Variants in FHIT observed in about 807,000 individuals in gnomAD.
FHIT encodes the protein bis(5'-adenosyl)-triphosphatase.
In FHIT, 19 loss-of-function variants were observed where a neutral mutation model predicts 17.9. That is an observed-to-expected ratio of 1.06 (90% CI 0.74 to 1.56). The LOEUF (loss-of-function observed/expected upper bound fraction) is 1.56. Among genes scored for constraint, FHIT ranks in the 40% most tolerant of loss-of-function variants. FHIT has a pLI of 0.00. For synonymous variants in FHIT, 81 were observed against 69.7 expected, an observed-to-expected ratio of 1.16 and a Z score of -0.81; for missense variants, 248 against 189.2, an observed-to-expected ratio of 1.31 and a Z score of -1.82.
chr3:60,496,981 A>C (rs906314361), intron 5 of FHIT, among the ~76,000 whole-genome samples: 1 of 152,052 alleles, frequency 6.6e-6, no homozygotes, highest in Non-Finnish European at 1.5e-5. Flanking sequence ...ACAAAAAAAA[A>C]CATGCAAACC....
At chr3:59,774,561 G>A (rs2106848777) in intron 8 of FHIT, among the ~76,000 whole-genome samples, 1 of 152,308 alleles carries the variant, frequency 6.6e-6, no homozygotes, top group Non-Finnish European at 1.5e-5. Flanking sequence ...CTTAAATAGT[G>A]CCTCATCCAT....
intron 5 of FHIT, among the ~76,000 whole-genome samples, chr3:60,382,472 G>A (rs1431557659): frequency 6.6e-6 from 1 of 152,190 alleles, no homozygotes; most frequent in Non-Finnish European, 1.5e-5. Flanking sequence ...TCTAATCTGA[G>A]ACAATTCATC....
intron 5 of FHIT, among the ~76,000 whole-genome samples, chr3:60,041,294 A>G (rs1701429516): frequency 6.6e-6 from 1 of 152,128 alleles, no homozygotes; most frequent in South Asian, 2.1e-4. Flanking sequence ...CTTGATAATG[A>G]CCTTTGAGGA....
At chr3:60,387,574 C>A (rs1701061220) in intron 5 of FHIT, among the ~76,000 whole-genome samples, 1 of 152,030 alleles carries the variant, frequency 6.6e-6, no homozygotes, top group Non-Finnish European at 1.5e-5. Flanking sequence ...CCTGAATTCC[C>A]AATTCTCTCC....
intron 8 of FHIT, among the ~76,000 whole-genome samples, chr3:59,880,039 ACTT>A (rs1224721505): frequency 1.3e-5 from 2 of 152,056 alleles, no homozygotes; most frequent in African/African-American, 4.8e-5. Context: ...AAGATAGAAA[ACTT>A]CTGCAAGAAG....
chr3:59,765,990 C>T (rs1403226171), intron 8 of FHIT, among the ~76,000 whole-genome samples: 2 of 152,262 alleles, frequency 1.3e-5, no homozygotes, highest in East Asian at 3.9e-4. Flanking sequence ...AAAATATACA[C>T]ACTTTAGGAA....
intron 5 of FHIT, among the ~76,000 whole-genome samples, chr3:60,351,809 C>A (rs182263075): frequency 6.6e-6 from 1 of 152,316 alleles, no homozygotes; most frequent in Non-Finnish European, 1.5e-5. Flanking sequence ...TATTTCCTAA[C>A]ACAACAAAAT....
At chr3:60,024,579 G>C (rs1700667989) in intron 5 of FHIT, among the ~76,000 whole-genome samples, 1 of 152,192 alleles carries the variant, frequency 6.6e-6, no homozygotes, top group Non-Finnish European at 1.5e-5. Context: ...AGCACAACCA[G>C]GTACAGTCAT....
At chr3:61,042,380 G>A (rs754633364) in intron 2 of FHIT, among the ~76,000 whole-genome samples, 4 of 152,138 alleles carry the variant, frequency 2.6e-5, no homozygotes, top group Non-Finnish European at 5.9e-5. Context: ...AACTTAAAGT[G>A]TTCAAAGATG....
At chr3:60,572,430 T>C (rs1294561133) in intron 4 of FHIT, among the ~76,000 whole-genome samples, 1 of 152,116 alleles carries the variant, frequency 6.6e-6, no homozygotes, top group African/African-American at 2.4e-5. Context: ...TCCTAGCCCC[T>C]AGGCATGTTT....
At chr3:60,066,141 T>C (rs1206726839) in intron 5 of FHIT, among the ~76,000 whole-genome samples, 1 of 152,112 alleles carries the variant, frequency 6.6e-6, no homozygotes. Flanking sequence ...GATGGGATGG[T>C]GGGGATAGTA....
intron 5 of FHIT, among the ~76,000 whole-genome samples, chr3:60,140,438 G>A (rs933081515): frequency 6.6e-6 from 1 of 152,104 alleles, no homozygotes; most frequent in Non-Finnish European, 1.5e-5. Context: ...GGGGGAAAAA[G>A]TTGCTCTCTT....
intron 8 of FHIT, among the ~76,000 whole-genome samples, chr3:59,781,189 C>T (rs139451021): frequency 1.2e-4 from 19 of 152,284 alleles, no homozygotes; most frequent in African/African-American, 4.6e-4. Context: ...CCTGTAACAT[C>T]ACCCCTGTCA....
In FHIT at chr3:60,843,469, A is replaced by G. The variant is rs191551610; in HGVS notation, c.-110-21458T>C. The stretch of plus-strand genomic sequence containing the variant: ...ACAAAATTATCATTTCTATGATCCT[A>G]ACCAAAAGAGCCTTGCATGTCTTGG... On this transcript the variant is annotated intron_variant, in intron 3 of 9. Coordinates refer to ENST00000492590, the MANE Select transcript of FHIT (RefSeq NM_002012.4). 5.3e-5 allele frequency among the ~76,000 whole-genome samples: 8 copies of G among 152,298 alleles called. 1 individual carries two copies. The highest frequency in any genetic ancestry group is 2.6e-4 in the Admixed American group (4 of 15,294).
chr3:60,391,674 G>GT (rs1701239922), intron 5 of FHIT, among the ~76,000 whole-genome samples: 1 of 152,160 alleles, frequency 6.6e-6, no homozygotes, highest in South Asian at 2.1e-4. Context: ...TGCTGTGCAG[G>GT]TATGTATAGC....
chr3:61,098,375 G>A (rs1330323048), intron 2 of FHIT, among the ~76,000 whole-genome samples: 1 of 152,106 alleles, frequency 6.6e-6, no homozygotes, highest in Non-Finnish European at 1.5e-5. Context: ...TTTGAAATTG[G>A]GTAGCATGAT....
chr3:60,946,350 G>A (rs1418432535), intron 3 of FHIT, among the ~76,000 whole-genome samples: 3 of 152,134 alleles, frequency 2.0e-5, no homozygotes, highest in East Asian at 1.9e-4. Flanking sequence ...ATTCTTCATC[G>A]TGCATAACAG....
rs569682987 is a variant in FHIT at position 60,476,816 on chromosome 3, C to CA, written c.103+60043dup. Among the ~76,000 whole-genome samples, 197 of 151,236 alleles carry CA rather than the reference C, an allele frequency of 1.3e-3. 1 individual carries two copies. The highest frequency in any genetic ancestry group is 3.6e-3 in the African/African-American group (148 of 41,200). ...TTGTCGGAGGTACTTAAGTGAGCAT[C>CA]ATTTGGTCTCGTCCTGGACACCCGG... is the stretch of plus-strand genomic sequence containing the variant. On this transcript the variant is annotated intron_variant, in intron 5 of 9. Transcript: ENST00000492590.
rs35480699 is a variant in FHIT, at chr3:60,196,828, T to TAA, written c.104-182678_104-182677dup. Among the ~76,000 whole-genome samples the TAA allele has an allele frequency of 3.0e-4, 45 of 148,734 alleles. No homozygotes were observed. The South Asian group carries it at 3.4e-3, about 11-fold the overall frequency. ...ACTATGATAGTAAATGTTTTATTTG[T>TAA]AAAAAAAAAAATCAAGCAGGATTAT... On this transcript the variant is annotated intron_variant, in intron 5 of 9. Transcript: ENST00000492590.
Sources: allele counts gnomAD v4.1 joint callset (sites outside exome capture counted in the v4.1 genomes callset), GRCh38; gene constraint gnomAD v4.1.1; transcripts MANE v1.5; gene names NCBI Gene and HGNC (gene_info 2026-07-23, HGNC 2026-07-21).